EDEM2: variants seen among roughly 807,000 people sequenced by gnomAD.
EDEM2 encodes the protein ER degradation-enhancing alpha-mannosidase-like protein 2.
In EDEM2, 39 loss-of-function variants were observed where a neutral mutation model predicts 64.8. The ratio of observed to expected loss-of-function variants is 0.60; its 90% CI spans 0.47 to 0.79. EDEM2 has a LOEUF of 0.79. Among genes scored for constraint, EDEM2 ranks in the 30% least tolerant of loss-of-function variants. The pLI, the probability that EDEM2 is intolerant of heterozygous loss-of-function variation, is 0.00. For synonymous variants in EDEM2, 296 were observed against 291.5 expected (o/e 1.02, Z -0.16); for missense variants, 609 against 731.3 (o/e 0.83, Z 1.93).
At chr20:35,143,155 C>T (rs2085681237) in intron 3 of EDEM2, among the ~76,000 whole-genome samples, 1 of 152,142 alleles carries the variant, frequency 6.6e-6, no homozygotes, top group African/African-American at 2.4e-5. Context: ...TCATTCCTAC[C>T]CTCTTTACCT....
In EDEM2 at chr20:35,137,928, C is replaced by T. The variant is rs780304496; in HGVS notation, c.442G>A (p.Gly148Arg). ...TCCTCAGCCATTCTCAGGAGAGGCC[C>T]GGAACAGGGCCATCCAGCCTCTACT... ...VEVEAGWPCS[G>R]PLLRMAEEAA... The change falls in exon 5 of 11, where the codon GGG (glycine) becomes AGG (arginine). Residue 148 changes from glycine (G) to arginine (R), a missense_variant. Physicochemically the swap from Gly to Arg is moderately radical, Grantham distance 125. Coordinates refer to ENST00000374492, the MANE Select transcript of EDEM2 (RefSeq NM_018217.3). 8.7e-6 allele frequency: 14 copies of T among 1,614,094 alleles called. No homozygotes were observed. The highest frequency in any genetic ancestry group is 8.3e-5 in the Admixed American group (5 of 60,012).
At chr20:35,120,790 GTT>G (rs1026589887) in intron 9 of EDEM2, among the ~76,000 whole-genome samples, 5 of 152,026 alleles carry the variant, frequency 3.3e-5, no homozygotes, top group Non-Finnish European at 5.9e-5. Flanking sequence ...TAGAGACAGG[GTT>G]TCGCCATATT....
intron 5 of EDEM2, among the ~76,000 whole-genome samples, chr20:35,137,009 G>A (rs747314453): frequency 1.3e-5 from 2 of 152,170 alleles, no homozygotes; most frequent in Non-Finnish European, 2.9e-5. Context: ...CGTTTTAAAA[G>A]TGTTGGACGT....
intron 7 of EDEM2, among the ~76,000 whole-genome samples, chr20:35,129,434 G>T (rs1030230848): frequency 5.3e-5 from 8 of 151,762 alleles, no homozygotes; most frequent in Admixed American, 5.3e-4. Flanking sequence ...AGCCAGGCAT[G>T]GTGGTGGGCG....
At chr20:35,142,257 T>G in intron 4 of EDEM2, 116 bp downstream of exon 4, 1 of 763,454 alleles carries the variant, frequency 1.3e-6, no homozygotes, top group Non-Finnish European at 2.1e-6. Flanking sequence ...CGGTCAGAGG[T>G]TTTGGCCAAG....
At chr20:35,120,921 G>A (rs993096291) in intron 9 of EDEM2, among the ~76,000 whole-genome samples, 5 of 151,524 alleles carry the variant, frequency 3.3e-5, no homozygotes, top group Non-Finnish European at 5.9e-5. Context: ...GCAGCTGGTG[G>A]GCCAGTGCCC....
intron 4 of EDEM2, among the ~76,000 whole-genome samples, chr20:35,141,563 T>C (rs2085654178): frequency 6.6e-6 from 1 of 152,190 alleles, no homozygotes; most frequent in African/African-American, 2.4e-5. Context: ...ATGTCTGGAA[T>C]ATAAGTTTCA....
intron 7 of EDEM2, among the ~76,000 whole-genome samples, chr20:35,128,186 T>C (rs1317951723): frequency 6.6e-6 from 1 of 151,926 alleles, no homozygotes; most frequent in Non-Finnish European, 1.5e-5. Context: ...TGTTAGACCA[T>C]CCTGCCTAAC....
rs547752615 is a variant in EDEM2 at position 35,116,909 on chromosome 20, C to T, written c.1237-976G>A. The stretch of plus-strand genomic sequence containing the variant: ...GGTTCAAGCAATTCTCCTGCCTCAG[C>T]CTCCAGAGTAGCTGGGACTACAGGC... On this transcript the variant is annotated intron_variant, in intron 10 of 10. Transcript: ENST00000374492. Among the ~76,000 whole-genome samples the T allele has an allele frequency of 3.9e-5, 6 of 152,210 alleles. No homozygotes were observed. In the South Asian group the frequency reaches 1.2e-3, roughly 32 times the overall value.
chr20:35,134,737 C>T lies in EDEM2; in HGVS notation c.702+1G>A. The T allele has an allele frequency of 6.2e-7, 1 of 1,612,680 alleles. No homozygotes were observed. On this transcript the variant is annotated splice_donor_variant, in intron 6 of 10. Transcript: ENST00000374492. LOFTEE classifies it high-confidence loss of function. ...AACAGGAAGGGCAGCAGCGAACCTA[C>T]CAGCCCGATATCTGACCGGCTCTCC...
chr20:35,133,041 G>A (rs1015220020), intron 6 of EDEM2, among the ~76,000 whole-genome samples: 9 of 152,152 alleles, frequency 5.9e-5, no homozygotes, highest in South Asian at 2.1e-4. Flanking sequence ...CAAGGGAGGC[G>A]GCATTTAAGG....
intron 3 of EDEM2, among the ~76,000 whole-genome samples, chr20:35,143,239 C>G (rs1370326131): frequency 6.6e-6 from 1 of 152,158 alleles, no homozygotes; most frequent in Non-Finnish European, 1.5e-5. Context: ...GATTGTGTTA[C>G]CCAGTCAATT....
At chr20:35,142,248 G>C in intron 4 of EDEM2, 125 bp downstream of exon 4, 2 of 707,310 alleles carry the variant, frequency 2.8e-6, no homozygotes, top group Non-Finnish European at 2.4e-6. Flanking sequence ...GAGCTCTGTC[G>C]GTCAGAGGTT....
chr20:35,140,226 G>A lies in EDEM2; in HGVS notation c.364+2147C>T, dbSNP rs138749718. The stretch of plus-strand genomic sequence containing the variant: ...TAGGCCAGGCACAGTGGCTAAACCT[G>A]TAATTCCAGCACTTTGGGAAGCCAA... On this transcript the variant is annotated intron_variant, in intron 4 of 10. Transcript: ENST00000374492. Among the ~76,000 whole-genome samples the A allele has an allele frequency of 8.2e-3, 1,247 of 152,346 alleles. 14 individuals are homozygous for A. Among genetic ancestry groups the A allele is most frequent in the African/African-American group, 0.027 (1,105 of 41,584 alleles).
chr20:35,147,011 A>G, intron 1 of EDEM2, 76 bp from the exon 2 acceptor site: 1 of 1,563,562 alleles, frequency 6.4e-7, no homozygotes, highest in Non-Finnish European at 8.7e-7. Flanking sequence ...TACAGGGCGG[A>G]AAGTGGGAAT....
chr20:35,134,618 C>CA (rs2085549371), intron 6 of EDEM2, 120 bp downstream of exon 6: 1 of 1,176,232 alleles, frequency 8.5e-7, no homozygotes, highest in Admixed American at 2.3e-5. Context: ...GTCCTGAGCC[C>CA]AAATCCTGGA....
rs190471677 is a variant in EDEM2 at position 35,118,493 on chromosome 20, C to T, written c.1236+105G>A. The T allele has an allele frequency of 1.9e-4, 300 of 1,541,454 alleles. 1 individual carries two copies. The African/African-American group carries it at 3.0e-3, about 15-fold the overall frequency. Reference sequence around the variant, plus strand: ...AGCATTATGTATATCTCCAAGGTCCCTTCTAGTGCTGATATGTCAGAACTC... The same window carrying T: ...AGCATTATGTATATCTCCAAGGTCCTTTCTAGTGCTGATATGTCAGAACTC... On this transcript the variant is annotated intron_variant, in intron 10 of 10. Coordinates refer to ENST00000374492, the MANE Select transcript of EDEM2 (RefSeq NM_018217.3).
At chr20:35,137,157 C>T (rs2146108005) in intron 5 of EDEM2, among the ~76,000 whole-genome samples, 1 of 152,252 alleles carries the variant, frequency 6.6e-6, no homozygotes, top group East Asian at 1.9e-4. Context: ...GTGGCTCATG[C>T]CTGTAATCCC....
chr20:35,134,330 A>AT lies in EDEM2; in HGVS notation c.702+407dup, dbSNP rs202124319. ...CCCCTAACTTAATTGGCCAAGACTC[A>AT]TTTTTTCATGCAACTGCCACTCAGT... On this transcript the variant is annotated intron_variant, in intron 6 of 10. Coordinates refer to ENST00000374492, the MANE Select transcript of EDEM2 (RefSeq NM_018217.3). Among the ~76,000 whole-genome samples the AT allele has an allele frequency of 6.6e-5, 10 of 152,224 alleles. No individual in the cohort carries two copies. In the East Asian group the frequency reaches 1.7e-3, roughly 26 times the overall value.
Sources: allele counts gnomAD v4.1 joint callset (sites outside exome capture counted in the v4.1 genomes callset), GRCh38; gene constraint gnomAD v4.1.1; transcripts MANE v1.5; gene names NCBI Gene and HGNC (gene_info 2026-07-23, HGNC 2026-07-21).